The following PTPRK variants were observed in gnomAD, a reference collection of about 807,000 sequenced individuals.
The protein encoded by PTPRK is protein tyrosine phosphatase receptor type K.
A neutral mutation model predicts 178.0 loss-of-function variants in PTPRK; 75 were observed. The ratio of observed to expected loss-of-function variants is 0.42; its 90% CI spans 0.35 to 0.51. PTPRK has a LOEUF of 0.51. Ranked by LOEUF, PTPRK falls within the 20% of genes least tolerant of loss-of-function variation. The pLI is 0.02. For missense variants in PTPRK, 1,441 were observed against 1,797.8 expected, an observed-to-expected ratio of 0.80 and a Z score of 3.59; for synonymous variants, 637 against 620.6, an observed-to-expected ratio of 1.03 and a Z score of -0.39.
Position 128,219,111 on chromosome 6 carries a change from C to T in PTPRK, c.694-15G>A, listed in dbSNP as rs1257582309. The stretch of plus-strand genomic sequence containing the variant: ...CCATTTCGTCTCTGCAAACAGAAAC[C>T]AATCTTTAAAAACAGGTTCTTACTA... On this transcript the variant is annotated splice_polypyrimidine_tract_variant and intron_variant, in intron 5 of 29. Coordinates refer to ENST00000368226, the MANE Select transcript of PTPRK (RefSeq NM_002844.4). 1 of 1,594,898 alleles carries T rather than the reference C, an allele frequency of 6.3e-7. No individual in the cohort carries two copies. The highest frequency in any genetic ancestry group is 8.6e-7 in the Non-Finnish European group (1 of 1,166,706).
At chr6:128,489,435 T>C (rs1853446622) in intron 1 of PTPRK, among the ~76,000 whole-genome samples, 2 of 152,202 alleles carry the variant, frequency 1.3e-5, no homozygotes, top group Admixed American at 1.3e-4. Flanking sequence ...GCTTGATCCA[T>C]GAGCTGGAAC....
Position 127,982,844 on chromosome 6 carries a change from T to C in PTPRK, c.3524A>G (p.Lys1175Arg), listed in dbSNP as rs144386522. 6.2e-7 allele frequency: 1 copy of C among 1,609,002 alleles called. No individual in the cohort carries two copies. Among genetic ancestry groups the C allele is most frequent in the Non-Finnish European group, 8.5e-7 (1 of 1,177,642 alleles). Residue 1175 changes from lysine (K) to arginine (R), a missense_variant, in exon 24 of 30, where the codon AAG (lysine) becomes AGG (arginine). By Grantham distance (26) the Lys-to-Arg change is conservative (BLOSUM62 2). Around this residue, in one of 4 missense-constraint regions of PTPRK, gnomAD observed 335 missense variants for 512.4 expected, o/e 0.65. Coordinates refer to ENST00000368226, the MANE Select transcript of PTPRK (RefSeq NM_002844.4). ...AATAGTTAATACCTGAAATTCATCC[T>C]TGAGATGTGAAGAGTTAGTCTGGGA... ...IDSQTNSSHL[K>R]DEFQTLNSVT...
chr6:128,385,142 T>A (rs1281070719), intron 2 of PTPRK, among the ~76,000 whole-genome samples: 1 of 150,492 alleles, frequency 6.6e-6, no homozygotes, highest in Non-Finnish European at 1.5e-5. Context: ...TTCCTTATTT[T>A]TAGGCACCTG....
intron 6 of PTPRK, among the ~76,000 whole-genome samples, chr6:128,192,488 A>T (rs561270626): frequency 3.8e-4 from 58 of 152,216 alleles, no homozygotes; most frequent in Middle Eastern, 3.4e-3. Context: ...CTGCCTTAAC[A>T]ATGCCCCAAA....
At chr6:128,307,402 A>C (rs779310254) in intron 3 of PTPRK, among the ~76,000 whole-genome samples, 18 of 150,928 alleles carry the variant, frequency 1.2e-4, no homozygotes, top group Non-Finnish European at 2.4e-4. Context: ...TATAGAATTA[A>C]ATAACCTCAG....
chr6:128,375,133 T>C (rs1368385039), intron 2 of PTPRK, among the ~76,000 whole-genome samples: 2 of 149,580 alleles, frequency 1.3e-5, no homozygotes, highest in Non-Finnish European at 3.0e-5. Context: ...TATAAGCTTC[T>C]CTGGGGCAAA....
chr6:128,469,094 T>C (rs1011082067), intron 1 of PTPRK, among the ~76,000 whole-genome samples: 13 of 152,160 alleles, frequency 8.5e-5, no homozygotes, highest in South Asian at 4.1e-4. Flanking sequence ...AAGATCACTA[T>C]ATCCATGGCA....
intron 2 of PTPRK, among the ~76,000 whole-genome samples, chr6:128,371,861 G>C (rs1283318825): frequency 6.6e-6 from 1 of 150,522 alleles, no homozygotes. Context: ...TGGTGACAGA[G>C]TAAGACCTTG....
chr6:128,237,806 C>G (rs1813563451), intron 5 of PTPRK, among the ~76,000 whole-genome samples: 1 of 151,102 alleles, frequency 6.6e-6, no homozygotes, highest in South Asian at 2.1e-4. Flanking sequence ...CACTTTGGAA[C>G]CAGAATTCTT....
intron 1 of PTPRK, among the ~76,000 whole-genome samples, chr6:128,402,286 C>T (rs570759413): frequency 2.0e-3 from 310 of 152,274 alleles, no homozygotes; most frequent in Non-Finnish European, 3.3e-3. Context: ...GAGATGGAGT[C>T]TCACTCTGTC....
At chr6:128,049,809 G>C (rs1333304254) in intron 13 of PTPRK, among the ~76,000 whole-genome samples, 4 of 152,122 alleles carry the variant, frequency 2.6e-5, no homozygotes, top group Admixed American at 1.3e-4. Context: ...GCGTGCATGA[G>C]GGTATAATGA....
chr6:128,197,828 C>A (rs1436182494), intron 6 of PTPRK, among the ~76,000 whole-genome samples: 1 of 152,086 alleles, frequency 6.6e-6, no homozygotes, highest in African/African-American at 2.4e-5. Flanking sequence ...GCTACAAATT[C>A]TCTGATAGCA....
At chr6:128,083,083 T>C (rs1319807355) in intron 9 of PTPRK, among the ~76,000 whole-genome samples, 3 of 152,134 alleles carry the variant, frequency 2.0e-5, no homozygotes, top group Admixed American at 1.3e-4. Context: ...TATAACATTG[T>C]ACTAGTGATT....
chr6:128,506,659 CAAAAAAAAAA>C (rs60473661), intron 1 of PTPRK, among the ~76,000 whole-genome samples: 1 of 53,094 alleles, frequency 1.9e-5, no homozygotes, highest in Non-Finnish European at 3.9e-5. Context: ...AACTCTGTCT[CAAAAAAAAAA>C]AAAAAAAAAA....
chr6:128,376,300 T>C (rs1260271947), intron 2 of PTPRK, among the ~76,000 whole-genome samples: 2 of 152,172 alleles, frequency 1.3e-5, no homozygotes, highest in East Asian at 3.9e-4. Flanking sequence ...TTCCCAAACT[T>C]TAACTCTTGA....
At chr6:128,320,353 T>G (rs1215560011) in intron 3 of PTPRK, among the ~76,000 whole-genome samples, 1 of 152,136 alleles carries the variant, frequency 6.6e-6, no homozygotes, top group Non-Finnish European at 1.5e-5. Context: ...TAACTACATG[T>G]ATGTTATTTC....
chr6:128,107,513 AT>A (rs975993149), intron 7 of PTPRK, among the ~76,000 whole-genome samples: 2 of 152,194 alleles, frequency 1.3e-5, no homozygotes, highest in Non-Finnish European at 2.9e-5. Flanking sequence ...GTAAAAAGTG[AT>A]GGAGAAATAA....
rs1377590093 is a variant in PTPRK at position 127,970,189 on chromosome 6, G to T, written c.*38C>A. 6.5e-7 allele frequency: 1 copy of T among 1,534,438 alleles called. No homozygotes were observed. Among genetic ancestry groups the T allele is most frequent in the African/African-American group, 1.4e-5 (1 of 72,574 alleles). On this transcript the variant is annotated 3_prime_UTR_variant, in exon 30 of 30. Coordinates refer to ENST00000368226, the MANE Select transcript of PTPRK (RefSeq NM_002844.4). ...CAGCTGCTGGCTCAATAGATGGACA[G>T]GTTTCTTCATGGATGCACTTTAAAG...
intron 3 of PTPRK, among the ~76,000 whole-genome samples, chr6:128,308,785 A>C (rs192483351): frequency 6.6e-6 from 1 of 152,312 alleles, no homozygotes; most frequent in East Asian, 1.9e-4. Flanking sequence ...GACAGGGCAA[A>C]GTTTTTCACT....
Sources: allele counts gnomAD v4.1 joint callset (sites outside exome capture counted in the v4.1 genomes callset), GRCh38; gene constraint gnomAD v4.1.1; regional missense constraint gnomAD v4.1.1; transcripts MANE v1.5; gene names NCBI Gene and HGNC (gene_info 2026-07-23, HGNC 2026-07-21).